FBXL17: variants seen among roughly 807,000 people sequenced by gnomAD.
FBXL17 encodes F-box/LRR-repeat protein 17.
Under a neutral mutation model 66.2 loss-of-function variants are expected in FBXL17, and 22 were observed. That is an observed-to-expected ratio of 0.33 (90% CI 0.24 to 0.47). FBXL17 has a LOEUF of 0.47. FBXL17 is among the 20% of genes least tolerant of loss of function. The pLI, the probability that FBXL17 is intolerant of heterozygous loss-of-function variation, is 1.00. For missense variants in FBXL17, 878 were observed against 948.2 expected (o/e 0.93, Z 0.97); for synonymous variants, 474 against 400.5 (o/e 1.18, Z -2.19).
At chr5:108,216,159 G>C (rs147649924) in intron 5 of FBXL17, among the ~76,000 whole-genome samples, 3 of 151,778 alleles carry the variant, frequency 2.0e-5, no homozygotes, top group Non-Finnish European at 4.4e-5. Flanking sequence ...CTTTTTTTGA[G>C]ATAGTTACGG....
At chr5:108,134,299 A>G (rs969373997) in intron 6 of FBXL17, among the ~76,000 whole-genome samples, 1 of 152,170 alleles carries the variant, frequency 6.6e-6, no homozygotes, top group Non-Finnish European at 1.5e-5. Context: ...ATCCATCAGG[A>G]GAGCCAGAGT....
intron 6 of FBXL17, among the ~76,000 whole-genome samples, chr5:108,154,644 C>CACACACAT (rs1751913060): frequency 7.4e-6 from 1 of 134,958 alleles, no homozygotes; most frequent in Non-Finnish European, 1.6e-5. Flanking sequence ...CACACACACA[C>CACACACAT]ACACATATAT....
intron 4 of FBXL17, among the ~76,000 whole-genome samples, chr5:108,261,298 G>A (rs889448469): frequency 2.6e-5 from 4 of 151,894 alleles, no homozygotes; most frequent in Non-Finnish European, 4.4e-5. Context: ...AGCTTGAAAG[G>A]ATAATTAAAA....
At chr5:108,351,583 G>C (rs1747659852) in intron 3 of FBXL17, among the ~76,000 whole-genome samples, 1 of 152,158 alleles carries the variant, frequency 6.6e-6, no homozygotes, top group African/African-American at 2.4e-5. Context: ...TCAATGACTA[G>C]TCAGTTAGCC....
chr5:107,976,368 A>G (rs1366886877), intron 7 of FBXL17, among the ~76,000 whole-genome samples: 1 of 152,224 alleles, frequency 6.6e-6, no homozygotes, highest in African/African-American at 2.4e-5. Context: ...AAGCTAATAG[A>G]TAATAATATT....
chr5:108,343,127 T>C (rs2112443571), intron 4 of FBXL17, among the ~76,000 whole-genome samples: 1 of 152,342 alleles, frequency 6.6e-6, no homozygotes, highest in Admixed American at 6.5e-5. Context: ...TGCCAGTGCC[T>C]TAATCTTGGA....
chr5:108,240,279 A>C (rs1487458142), intron 4 of FBXL17, among the ~76,000 whole-genome samples: 4 of 152,166 alleles, frequency 2.6e-5, no homozygotes, highest in Admixed American at 6.5e-5. Flanking sequence ...TCCAGGCATT[A>C]GCTCTTGGAT....
intron 7 of FBXL17, among the ~76,000 whole-genome samples, chr5:107,958,312 T>C (rs981412563): frequency 6.6e-6 from 1 of 152,130 alleles, no homozygotes; most frequent in Non-Finnish European, 1.5e-5. Flanking sequence ...CCATCAATGT[T>C]CCCCCATTTT....
intron 7 of FBXL17, among the ~76,000 whole-genome samples, chr5:107,942,063 G>C (rs1393835435): frequency 6.6e-6 from 1 of 152,120 alleles, no homozygotes; most frequent in African/African-American, 2.4e-5. Flanking sequence ...TGGGAGGCCA[G>C]GGGCACAGAT....
Position 108,327,093 on chromosome 5 carries a change from T to C in FBXL17, c.1506+21306A>G, listed in dbSNP as rs182259732. 1.5e-3 allele frequency among the ~76,000 whole-genome samples: 224 copies of C among 152,318 alleles called. 2 individuals are homozygous for C. The highest frequency in any genetic ancestry group is 6.8e-3 in the Middle Eastern group (2 of 294). On this transcript the variant is annotated intron_variant, in intron 4 of 8. Transcript: ENST00000542267. ...ACTGAAATGTCCATTAACAGGTAAA[T>C]GGATGAGCACATTGTTTTATGTCCT... is the stretch of plus-strand genomic sequence containing the variant.
At chr5:107,930,238 G>T (rs184829252) in intron 7 of FBXL17, among the ~76,000 whole-genome samples, 1 of 152,048 alleles carries the variant, frequency 6.6e-6, no homozygotes, top group South Asian at 2.1e-4. Context: ...CCAACTTCTT[G>T]TCCATTCCCC....
chr5:108,214,364 T>C (rs1366789988), intron 5 of FBXL17, among the ~76,000 whole-genome samples: 1 of 135,152 alleles, frequency 7.4e-6, no homozygotes, highest in Admixed American at 7.2e-5. Context: ...AATTTATTAA[T>C]TGACTTTTTT....
At chr5:108,161,575 C>G (rs1170382574) in intron 6 of FBXL17, among the ~76,000 whole-genome samples, 2 of 152,166 alleles carry the variant, frequency 1.3e-5, no homozygotes, top group East Asian at 1.9e-4. Context: ...AAGATCTACA[C>G]AGAGGTTAGA....
intron 3 of FBXL17, among the ~76,000 whole-genome samples, chr5:108,349,039 C>T (rs1270996453): frequency 1.3e-5 from 2 of 152,088 alleles, no homozygotes; most frequent in Non-Finnish European, 2.9e-5. Flanking sequence ...CTCCTGGCCT[C>T]GAGCAATCCT....
At chr5:107,906,072 T>C (rs1201395532) in intron 7 of FBXL17, among the ~76,000 whole-genome samples, 3 of 152,074 alleles carry the variant, frequency 2.0e-5, no homozygotes, top group Non-Finnish European at 4.4e-5. Context: ...TTTTTTTTTT[T>C]TCAAGAAGTT....
At chr5:107,889,980 C>G (rs1488940274) in intron 7 of FBXL17, among the ~76,000 whole-genome samples, 1 of 152,038 alleles carries the variant, frequency 6.6e-6, no homozygotes, top group Admixed American at 6.6e-5. Context: ...TGGGAACCAA[C>G]CCTTTGAGTA....
chr5:108,089,905 G>C (rs1749125944), intron 6 of FBXL17, among the ~76,000 whole-genome samples: 1 of 152,110 alleles, frequency 6.6e-6, no homozygotes, highest in African/African-American at 2.4e-5. Flanking sequence ...ACGGCTCACT[G>C]TAGACTCGAC....
chr5:107,881,273 G>C, intron 7 of FBXL17, 94 bp from the exon 8 acceptor site: 1 of 744,830 alleles, frequency 1.3e-6, no homozygotes, highest in Non-Finnish European at 2.1e-6. Flanking sequence ...CACTAAATTT[G>C]TTCCTGAAAT....
intron 6 of FBXL17, among the ~76,000 whole-genome samples, chr5:108,124,955 G>A (rs1251546669): frequency 6.6e-6 from 1 of 151,832 alleles, no homozygotes; most frequent in Non-Finnish European, 1.5e-5. Context: ...AAAGGAAAAC[G>A]ACTAGGGCAA....
Sources: gnomAD v4.1 joint callset for allele counts (sites outside exome capture counted in the v4.1 genomes callset) on GRCh38, gnomAD v4.1.1 for gene constraint, MANE v1.5 for transcripts, NCBI Gene and HGNC (gene_info 2026-07-23, HGNC 2026-07-21) for gene names.